The following PIBF1 variants were observed in gnomAD, a reference collection of about 807,000 sequenced individuals.
PIBF1 encodes the protein progesterone immunomodulatory binding factor 1.
In PIBF1, 90 loss-of-function variants were observed where a neutral mutation model predicts 112.5. The ratio of observed to expected loss-of-function variants is 0.80; its 90% confidence interval spans 0.67 to 0.95. The LOEUF is 0.95. Ranked by LOEUF, PIBF1 falls within the 40% of genes least tolerant of loss-of-function variation. PIBF1 has a pLI of 0.00. For missense variants in PIBF1, 915 were observed against 852.3 expected, an observed-to-expected ratio of 1.07 and a Z score of -0.92; for synonymous variants, 301 against 288.6, an observed-to-expected ratio of 1.04 and a Z score of -0.44.
At chr13:72,882,178 A>G (rs970507694) in intron 10 of PIBF1, among the ~76,000 whole-genome samples, 21 of 152,304 alleles carry the variant, frequency 1.4e-4, no homozygotes, top group African/African-American at 4.3e-4. Flanking sequence ...GCTGCCAACA[A>G]CATACATTGG....
intron 17 of PIBF1, among the ~76,000 whole-genome samples, chr13:73,000,648 C>T (rs775761070): frequency 5.3e-5 from 8 of 152,192 alleles, no homozygotes; most frequent in Non-Finnish European, 1.2e-4. Flanking sequence ...CCACAAGATA[C>T]AGCTGAATAC....
chr13:72,980,615 C>A (rs1399847220), intron 16 of PIBF1, among the ~76,000 whole-genome samples: 1 of 150,368 alleles, frequency 6.7e-6, no homozygotes. Flanking sequence ...GCCAACATGG[C>A]GAAACCCCAT....
At chr13:72,864,502 T>A (rs1039137039) in intron 10 of PIBF1, among the ~76,000 whole-genome samples, 5 of 152,174 alleles carry the variant, frequency 3.3e-5, no homozygotes, top group Admixed American at 6.5e-5. Context: ...TCATTATGCT[T>A]GTGAACTGAA....
chr13:72,821,939 C>T lies in PIBF1; in HGVS notation c.763C>T (p.Gln255Ter). ...LELADTKQLI[Q>*]QGDYRQENYD... The stretch of plus-strand genomic sequence containing the variant: ...ATTAGCAGACACAAAACAGTTAATT[C>T]AGCAAGGTGACTACCGTCAAGAGAA... The change falls in exon 6 of 18, where the codon CAG becomes TAG. Residue 255 changes from glutamine (Q) to a stop codon, truncating the protein, a stop_gained. Coordinates refer to ENST00000326291, the MANE Select transcript of PIBF1 (RefSeq NM_006346.4). LOFTEE classifies it high-confidence loss of function. The T allele has an allele frequency of 6.2e-7, 1 of 1,612,738 alleles. No individual in the cohort carries two copies. The highest frequency in any genetic ancestry group is 8.5e-7 in the Non-Finnish European group (1 of 1,179,306).
chr13:72,854,367 A>G (rs558056458), intron 10 of PIBF1, among the ~76,000 whole-genome samples: 2 of 152,144 alleles, frequency 1.3e-5, no homozygotes, highest in Non-Finnish European at 2.9e-5. Context: ...ACAATATACA[A>G]TTATTGTGGA....
chr13:72,940,148 T>C (rs1566472265), intron 14 of PIBF1, among the ~76,000 whole-genome samples: 1 of 152,270 alleles, frequency 6.6e-6, no homozygotes, highest in East Asian at 1.9e-4. Context: ...CAATGAGATA[T>C]ATATTAGGTT....
intron 10 of PIBF1, among the ~76,000 whole-genome samples, chr13:72,891,408 A>G (rs2040050686): frequency 6.6e-6 from 1 of 152,176 alleles, no homozygotes; most frequent in Non-Finnish European, 1.5e-5. Flanking sequence ...TCACACATTT[A>G]ATTCATTTAT....
intron 10 of PIBF1, among the ~76,000 whole-genome samples, chr13:72,879,049 A>G (rs1257209162): frequency 6.6e-6 from 1 of 152,120 alleles, no homozygotes; most frequent in Non-Finnish European, 1.5e-5. Flanking sequence ...TGTGTTTTTA[A>G]TCTATTAATT....
intron 17 of PIBF1, among the ~76,000 whole-genome samples, chr13:73,007,764 G>T (rs369844960): frequency 1.3e-5 from 2 of 148,784 alleles, no homozygotes; most frequent in African/African-American, 5.0e-5. Flanking sequence ...AGACAAGATC[G>T]CACTGTTGCA....
chr13:72,984,931 T>C (rs1384086598), intron 16 of PIBF1, among the ~76,000 whole-genome samples: 5 of 152,180 alleles, frequency 3.3e-5, no homozygotes, highest in Non-Finnish European at 5.9e-5. Flanking sequence ...TTATGTAACA[T>C]ATAGACCTAG....
chr13:72,872,367 A>G (rs1034672718), intron 10 of PIBF1, among the ~76,000 whole-genome samples: 2 of 152,190 alleles, frequency 1.3e-5, no homozygotes, highest in African/African-American at 4.8e-5. Context: ...TCATGTGTTA[A>G]TGAAGGCTAT....
chr13:72,783,667 G>A lies in PIBF1; in HGVS notation c.198G>A (p.Glu66=). The A allele has an allele frequency of 1.2e-6, 2 of 1,613,784 alleles. No homozygotes were observed. The highest frequency in any genetic ancestry group is 1.7e-6 in the Non-Finnish European group (2 of 1,179,748). ...LLHNIQLLKI[E]LSQKTMMIDN... Reference sequence around the variant, plus strand: ...ATAATATTCAGTTACTAAAAATTGAGCTATCCCAGAAAACTATGATGATCG... The same window carrying A: ...ATAATATTCAGTTACTAAAAATTGAACTATCCCAGAAAACTATGATGATCG... Residue 66 remains glutamate, a synonymous_variant, in exon 2 of 18, where the codon GAG becomes GAA. Coordinates refer to ENST00000326291, the MANE Select transcript of PIBF1 (RefSeq NM_006346.4).
At chr13:72,936,692 A>G (rs904265193) in intron 14 of PIBF1, among the ~76,000 whole-genome samples, 1 of 152,054 alleles carries the variant, frequency 6.6e-6, no homozygotes, top group Non-Finnish European at 1.5e-5. Flanking sequence ...CTGTAGCTTT[A>G]TAATATCTGG....
At chr13:72,944,689 A>G (rs184762370) in intron 14 of PIBF1, among the ~76,000 whole-genome samples, 1 of 152,248 alleles carries the variant, frequency 6.6e-6, no homozygotes, top group African/African-American at 2.4e-5. Context: ...AAACATAAAC[A>G]GTGAATGTTC....
In PIBF1 at chr13:72,799,187, C is replaced by T. The variant is rs183334089; in HGVS notation, c.672+1161C>T. On this transcript the variant is annotated intron_variant, in intron 5 of 17. Transcript: ENST00000326291. ...TACTGTTTGTTCATTTATTTAATTG[C>T]ATTGCCTATATTTCTGTTTCAGAGT... Among the ~76,000 whole-genome samples, 182 of 152,292 alleles carry T rather than the reference C, an allele frequency of 1.2e-3. 2 individuals are homozygous for T. The highest frequency in any genetic ancestry group is 2.4e-3 in the Non-Finnish European group (163 of 68,032).
intron 5 of PIBF1, among the ~76,000 whole-genome samples, chr13:72,820,208 A>C (rs2036488226): frequency 6.6e-6 from 1 of 152,178 alleles, no homozygotes; most frequent in African/African-American, 2.4e-5. Context: ...GAGGTAAACT[A>C]ACGTGCACAG....
chr13:72,928,028 T>TATATATATACATATATATAC (rs1555316969), intron 13 of PIBF1, among the ~76,000 whole-genome samples: 19 of 58,854 alleles, frequency 3.2e-4, no homozygotes, highest in Non-Finnish European at 5.7e-4. Context: ...TATATATACA[T>TATATATATACATATATATAC]ATATATATAT....
chr13:72,889,429 T>C (rs2039975898), intron 10 of PIBF1, among the ~76,000 whole-genome samples: 1 of 152,186 alleles, frequency 6.6e-6, no homozygotes, highest in Non-Finnish European at 1.5e-5. Flanking sequence ...TAGCAGTCTA[T>C]CTCTGACTAC....
intron 13 of PIBF1, among the ~76,000 whole-genome samples, chr13:72,918,811 C>A (rs2041191902): frequency 6.6e-6 from 1 of 151,694 alleles, no homozygotes; most frequent in Non-Finnish European, 1.5e-5. Context: ...TCAAGCAATT[C>A]TCCTGTCTCA....
Sources: allele counts gnomAD v4.1 joint callset (sites outside exome capture counted in the v4.1 genomes callset), GRCh38; gene constraint gnomAD v4.1.1; transcripts MANE v1.5; gene names NCBI Gene and HGNC (gene_info 2026-07-23, HGNC 2026-07-21).